The following TCF12 variants were observed in gnomAD, a reference collection of about 807,000 sequenced individuals.
TCF12 encodes the protein transcription factor 12, also known as DNA-binding protein HTF4.
Under a neutral mutation model 86.0 loss-of-function variants are expected in TCF12, and 45 were observed. That is an observed-to-expected ratio of 0.52 (90% CI 0.41 to 0.67). The LOEUF (loss-of-function observed/expected upper bound fraction) is 0.67. Among genes scored for constraint, TCF12 ranks in the 30% least tolerant of loss-of-function variants. The pLI, the probability that TCF12 is intolerant of heterozygous loss-of-function variation, is 0.00. For missense variants in TCF12, 881 were observed against 859.9 expected (o/e 1.02, Z -0.31); for synonymous variants, 330 against 299.6 (o/e 1.10, Z -1.05).
intron 17 of TCF12, 114 bp from the exon 18 acceptor site, chr15:57,262,998 A>G (rs2060659909): frequency 6.4e-6 from 7 of 1,092,754 alleles, no homozygotes; most frequent in East Asian, 2.5e-5. Context: ...AACCTCCATC[A>G]TAACCCTGTA....
intron 11 of TCF12, among the ~76,000 whole-genome samples, chr15:57,233,316 C>T (rs1206216252): frequency 6.6e-6 from 1 of 151,894 alleles, no homozygotes; most frequent in Non-Finnish European, 1.5e-5. Flanking sequence ...GCTGGGACTA[C>T]AGGCATGTAC....
chr15:57,056,155 T>TGTGTG (rs1351781869), intron 3 of TCF12, among the ~76,000 whole-genome samples: 1 of 95,804 alleles, frequency 1.0e-5, no homozygotes, highest in South Asian at 3.2e-4. Context: ...GTGTGTGTGT[T>TGTGTG]TTGAGACAGA....
At chr15:57,127,535 A>G (rs2051760833) in intron 5 of TCF12, among the ~76,000 whole-genome samples, 1 of 152,228 alleles carries the variant, frequency 6.6e-6, no homozygotes, top group Admixed American at 6.5e-5. Context: ...GATTCTGAGT[A>G]TCTTCCCAGT....
intron 8 of TCF12, among the ~76,000 whole-genome samples, chr15:57,212,658 A>C (rs1174674825): frequency 6.6e-6 from 1 of 152,200 alleles, no homozygotes; most frequent in East Asian, 1.9e-4. Flanking sequence ...AAATCTTTCA[A>C]AATAGGAATT....
intron 3 of TCF12, among the ~76,000 whole-genome samples, chr15:57,007,928 C>G: frequency 8.4e-6 from 1 of 118,740 alleles, no homozygotes; most frequent in East Asian, 2.6e-4. Flanking sequence ...TTCTTTGTTT[C>G]TTTGTTTCTT....
At chr15:57,006,496 G>A (rs2064383315) in intron 3 of TCF12, among the ~76,000 whole-genome samples, 1 of 151,908 alleles carries the variant, frequency 6.6e-6, no homozygotes, top group Non-Finnish European at 1.5e-5. Context: ...ATAGAGATGG[G>A]GTTTCACCAT....
chr15:56,977,569 A>G (rs192910646), intron 3 of TCF12, among the ~76,000 whole-genome samples: 21 of 150,052 alleles, frequency 1.4e-4, no homozygotes, highest in Middle Eastern at 3.4e-3. Context: ...GTGTGTATGT[A>G]TGTGTGGAGA....
At position 57,289,111 on chromosome 15, in the gene TCF12, G is replaced by A. The variant is rs8034843; in HGVS notation, c.*2966G>A. 0.28 allele frequency: 42,589 copies of A among 152,052 alleles called. 7,490 individuals carry two copies. The highest frequency in any genetic ancestry group is 0.49 in the African/African-American group (20,338 of 41,434). 9.4% of individuals were successfully genotyped at this position (152,052 alleles called of 1,614,324 possible). A position where few individuals can be genotyped will look rare whatever the true frequency, so the allele number is the denominator to read the frequency against. ...ATGACTTTTTGTAGGACCTGTGCGT[G>A]CGAAACCCATGGCAATTGTCACATC... is the stretch of plus-strand genomic sequence containing the variant. On this transcript the variant is annotated 3_prime_UTR_variant, in exon 21 of 21. Coordinates refer to ENST00000333725, the MANE Select transcript of TCF12 (RefSeq NM_207037.2).
chr15:57,020,242 G>A (rs1791072150), intron 3 of TCF12, among the ~76,000 whole-genome samples: 1 of 152,224 alleles, frequency 6.6e-6, no homozygotes, highest in South Asian at 2.1e-4. Context: ...GATGTGGTTA[G>A]GGGATGAGTG....
chr15:57,050,745 T>C (rs2067557596), intron 3 of TCF12, among the ~76,000 whole-genome samples: 1 of 152,214 alleles, frequency 6.6e-6, no homozygotes. Flanking sequence ...AATTTTATAT[T>C]GATGTGTGTT....
chr15:57,122,906 T>G (rs1306627710), intron 5 of TCF12, among the ~76,000 whole-genome samples: 3 of 152,190 alleles, frequency 2.0e-5, no homozygotes, highest in Non-Finnish European at 4.4e-5. Flanking sequence ...TCTTTCTACA[T>G]AAAATAGATA....
chr15:57,123,968 C>CAAAAAAAAAAAAAAAAAAAAAAAAAA (rs71113066), intron 5 of TCF12, among the ~76,000 whole-genome samples: 1 of 81,094 alleles, frequency 1.2e-5, no homozygotes, highest in African/African-American at 4.1e-5. Context: ...GACTCCGTCT[C>CAAAAAAAAAAAAAAAAAAAAAAAAAA]AAAAAAAAAA....
intron 13 of TCF12, 50 bp from the exon 14 acceptor site, chr15:57,251,300 C>G (rs1566987210): frequency 6.8e-7 from 1 of 1,471,088 alleles, no homozygotes; most frequent in South Asian, 1.1e-5. Flanking sequence ...ACAACATTAT[C>G]AAGATCACTG....
intron 13 of TCF12, among the ~76,000 whole-genome samples, chr15:57,249,153 G>C (rs2059995039): frequency 6.6e-6 from 1 of 152,106 alleles, no homozygotes. Context: ...TTCTGCATCA[G>C]TGCTTAGAAA....
At position 56,999,197 on chromosome 15, in the gene TCF12, C is replaced by CA. The variant is rs74265779; in HGVS notation, c.149-64541dup. ...TGGGTGACAGAGTGAGACTCCATCT[C>CA]AAAAAAAAAAAAGGGAGGGGGGAGC... is the stretch of plus-strand genomic sequence containing the variant. On this transcript the variant is annotated intron_variant, in intron 3 of 20. Coordinates refer to ENST00000333725, the MANE Select transcript of TCF12 (RefSeq NM_207037.2). 1.2e-3 allele frequency among the ~76,000 whole-genome samples: 119 copies of CA among 101,630 alleles called. No individual in the cohort carries two copies. In the Middle Eastern group the frequency reaches 0.015, roughly 13 times the overall value. 66.7% of individuals were successfully genotyped at this position (101,630 alleles called of 152,430 possible).
At chr15:56,918,303 T>C (rs2059593122), upstream of TCF12, 2 of 454,632 alleles carry the variant, frequency 4.4e-6, no homozygotes, top group African/African-American at 2.0e-5. Context: ...TGTGTCTCCG[T>C]CGCTCCGCTT....
chr15:57,162,015 A>C (rs1413543453), intron 5 of TCF12, among the ~76,000 whole-genome samples: 1 of 152,184 alleles, frequency 6.6e-6, no homozygotes, highest in Non-Finnish European at 1.5e-5. Context: ...AGGCCCATGC[A>C]CATGTGCACA....
chr15:57,019,859 A>G (rs1304870702), intron 3 of TCF12, among the ~76,000 whole-genome samples: 1 of 152,046 alleles, frequency 6.6e-6, no homozygotes. Context: ...CCCCTCCTGT[A>G]ATTCTAACCT....
chr15:57,092,913 G>C (rs1187726813), intron 5 of TCF12, among the ~76,000 whole-genome samples: 4 of 152,104 alleles, frequency 2.6e-5, no homozygotes, highest in African/African-American at 9.7e-5. Context: ...AATCCTGGTG[G>C]TCTGCAATTT....
Sources: allele counts gnomAD v4.1 joint callset (sites outside exome capture counted in the v4.1 genomes callset), GRCh38; gene constraint gnomAD v4.1.1; transcripts MANE v1.5; gene names NCBI Gene and HGNC (gene_info 2026-07-23, HGNC 2026-07-21).